ENOX1: variants seen among roughly 807,000 people sequenced by gnomAD.
The protein encoded by ENOX1 is candidate growth-related and time keeping constitutive hydroquinone (NADH) oxidase.
ENOX1 carries 42 observed loss-of-function variants against 82.5 expected under a neutral mutation model. The observed-to-expected ratio is 0.51, with a 90% CI of 0.40 to 0.66. The LOEUF is 0.66. Ranked by LOEUF, ENOX1 falls within the 30% of genes least tolerant of loss-of-function variation. The pLI, the probability that ENOX1 is intolerant of heterozygous loss-of-function variation, is 0.00. For synonymous variants in ENOX1, 271 were observed against 282.2 expected (o/e 0.96, Z 0.40); for missense variants, 608 against 811.6 (o/e 0.75, Z 3.05).
chr13:43,251,776 A>T (rs2043469538), intron 14 of ENOX1, among the ~76,000 whole-genome samples: 2 of 152,194 alleles, frequency 1.3e-5, no homozygotes, highest in Non-Finnish European at 2.9e-5. Context: ...TGACCTGCTG[A>T]CTCAAGCCAT....
rs57762148 is a variant in ENOX1 at position 43,381,471 on chromosome 13, T to TAA, written c.209-20021_209-20020dup. On this transcript the variant is annotated intron_variant, in intron 5 of 16. Transcript: ENST00000690772. ...ATCAATGACCATGGCTTCTATCTTA[T>TAA]AAAAAAAAAAAACCTTAAAAAAAAA... 9.1e-3 allele frequency among the ~76,000 whole-genome samples: 1,264 copies of TAA among 138,222 alleles called. 11 individuals are homozygous for TAA. The highest frequency in any genetic ancestry group is 0.02 in the East Asian group (99 of 4,920). 90.7% of individuals were successfully genotyped at this position (138,222 alleles called of 152,430 possible).
intron 2 of ENOX1, among the ~76,000 whole-genome samples, chr13:43,511,799 C>T (rs570362567): frequency 1.3e-5 from 2 of 152,274 alleles, no homozygotes; most frequent in Admixed American, 1.3e-4. Flanking sequence ...ACTGCTGCTT[C>T]AAACTGTAAT....
chr13:43,740,051 T>C (rs995235293), intron 1 of ENOX1, among the ~76,000 whole-genome samples: 1 of 150,798 alleles, frequency 6.6e-6, no homozygotes, highest in African/African-American at 2.5e-5. Context: ...GTGCAGCTTT[T>C]CAACTGTGCA....
At chr13:43,520,513 T>C (rs538835558) in intron 2 of ENOX1, among the ~76,000 whole-genome samples, 1 of 152,308 alleles carries the variant, frequency 6.6e-6, no homozygotes, top group African/African-American at 2.4e-5. Context: ...GAAACTAGGC[T>C]AGCTGGGTGG....
At chr13:43,412,390 C>T (rs1239489256) in intron 4 of ENOX1, among the ~76,000 whole-genome samples, 2 of 152,172 alleles carry the variant, frequency 1.3e-5, no homozygotes, top group African/African-American at 4.8e-5. Flanking sequence ...GTAATACTCT[C>T]TTGGTAAAAC....
chr13:43,281,055 G>A (rs1264868453), intron 12 of ENOX1, among the ~76,000 whole-genome samples: 6 of 152,068 alleles, frequency 3.9e-5, no homozygotes, highest in Admixed American at 3.9e-4. Flanking sequence ...CCTAATCCAG[G>A]GTCAAGCCCT....
chr13:43,323,595 AT>A (rs2047935739), intron 10 of ENOX1, among the ~76,000 whole-genome samples: 1 of 152,198 alleles, frequency 6.6e-6, no homozygotes, highest in Admixed American at 6.5e-5. Flanking sequence ...ATTCTTCCTT[AT>A]TCATTCTGTT....
chr13:43,270,642 T>TG (rs1424592915), intron 12 of ENOX1, among the ~76,000 whole-genome samples: 4 of 152,120 alleles, frequency 2.6e-5, no homozygotes, highest in Admixed American at 6.5e-5. Context: ...TCTACTGGTT[T>TG]GGGGGGATTT....
rs563542615 is a variant in ENOX1 at position 43,694,910 on chromosome 13, T to C, written c.-284-27366A>G. On this transcript the variant is annotated intron_variant, in intron 1 of 16. Coordinates refer to ENST00000690772, the MANE Select transcript of ENOX1 (RefSeq NM_001347969.2). ...CTTCCCCTTAATTGTCTGCTGCATT[T>C]TGTCTAAGAAATTAAGGCCAGCCCT... 3.3e-5 allele frequency among the ~76,000 whole-genome samples: 5 copies of C among 152,344 alleles called. No homozygotes were observed. In the South Asian group the frequency reaches 1.0e-3, roughly 32 times the overall value.
intron 1 of ENOX1, among the ~76,000 whole-genome samples, chr13:43,701,477 T>C (rs1240428265): frequency 6.6e-6 from 1 of 152,170 alleles, no homozygotes; most frequent in African/African-American, 2.4e-5. Flanking sequence ...ATAACTGTTA[T>C]ACCCATGCAA....
intron 5 of ENOX1, among the ~76,000 whole-genome samples, chr13:43,363,980 A>G (rs2153562070): frequency 6.6e-6 from 1 of 152,308 alleles, no homozygotes; most frequent in East Asian, 1.9e-4. Context: ...GCTTGAAAAG[A>G]GCTTAGAAAG....
chr13:43,357,030 C>T (rs2050201071), intron 7 of ENOX1, among the ~76,000 whole-genome samples: 1 of 152,150 alleles, frequency 6.6e-6, no homozygotes, highest in African/African-American at 2.4e-5. Flanking sequence ...GAGATCAACA[C>T]TAACAGAACT....
intron 3 of ENOX1, among the ~76,000 whole-genome samples, chr13:43,470,748 T>C (rs2058034312): frequency 6.6e-6 from 1 of 151,886 alleles, no homozygotes; most frequent in Admixed American, 6.6e-5. Flanking sequence ...ATTATATAAA[T>C]GACCGGTGAG....
At chr13:43,258,124 T>C (rs1314832138) in intron 14 of ENOX1, among the ~76,000 whole-genome samples, 1 of 152,214 alleles carries the variant, frequency 6.6e-6, no homozygotes, top group Non-Finnish European at 1.5e-5. Flanking sequence ...CATTGAGGTG[T>C]CTGGGAAGGA....
chr13:43,348,305 A>G (rs1314888943), intron 8 of ENOX1, among the ~76,000 whole-genome samples: 2 of 152,378 alleles, frequency 1.3e-5, no homozygotes, highest in East Asian at 3.9e-4. Flanking sequence ...TGGTTTACAG[A>G]TCTGTCTCCA....
chr13:43,758,696 T>G (rs1024205009), intron 1 of ENOX1, among the ~76,000 whole-genome samples: 1 of 152,242 alleles, frequency 6.6e-6, no homozygotes. Flanking sequence ...TTAAACTAAT[T>G]ACCTGAATGG....
chr13:43,470,752 C>T (rs145346927), intron 3 of ENOX1, among the ~76,000 whole-genome samples: 2 of 151,532 alleles, frequency 1.3e-5, no homozygotes, highest in East Asian at 1.9e-4. Context: ...TATAAATGAC[C>T]GGTGAGCATA....
chr13:43,312,512 G>A (rs1335217062), intron 11 of ENOX1, among the ~76,000 whole-genome samples: 2 of 152,174 alleles, frequency 1.3e-5, no homozygotes, highest in Admixed American at 6.5e-5. Context: ...TGTGCCTGAG[G>A]TTTGAGGAAC....
intron 2 of ENOX1, among the ~76,000 whole-genome samples, chr13:43,650,377 C>T (rs2084102006): frequency 6.6e-6 from 1 of 152,108 alleles, no homozygotes; most frequent in South Asian, 2.1e-4. Context: ...CTGGATTTTC[C>T]TCAAGGGCCA....
Sources: gnomAD v4.1 joint callset for allele counts (sites outside exome capture counted in the v4.1 genomes callset) on GRCh38, gnomAD v4.1.1 for gene constraint, MANE v1.5 for transcripts, NCBI Gene and HGNC (gene_info 2026-07-23, HGNC 2026-07-21) for gene names.